IL1RAPL1: variants seen among roughly 807,000 people sequenced by gnomAD.
The protein encoded by IL1RAPL1 is interleukin-1 receptor accessory protein-like 1.
In IL1RAPL1, 3 loss-of-function variants were observed where a neutral mutation model predicts 48.4. The ratio of observed to expected loss-of-function variants is 0.06; its 90% CI spans 0.03 to 0.16. IL1RAPL1 has a LOEUF of 0.16. Ranked by LOEUF, IL1RAPL1 falls within the 10% of genes least tolerant of loss-of-function variation. The pLI is 1.00. For missense variants in IL1RAPL1, 349 were observed against 530.6 expected (o/e 0.66, Z 3.36); for synonymous variants, 185 against 187.7 (o/e 0.99, Z 0.12).
chrX:29,681,987 G>T (rs1257829542), intron 6 of IL1RAPL1, among the ~76,000 whole-genome samples: 8 of 111,074 alleles, frequency 7.2e-5, no homozygotes, highest in African/African-American at 2.6e-4. Flanking sequence ...TGTTTGAGGT[G>T]ATAAATATTC....
At chrX:29,200,719 A>G (rs1930538683) in intron 2 of IL1RAPL1, among the ~76,000 whole-genome samples, 1 of 112,235 alleles carries the variant, frequency 8.9e-6, no homozygotes, top group Admixed American at 9.5e-5. Context: ...TGACGCTCAT[A>G]TTAATACTTA....
intron 5 of IL1RAPL1, among the ~76,000 whole-genome samples, chrX:29,576,611 CT>C (rs1222640546): frequency 9.0e-6 from 1 of 110,732 alleles, no homozygotes; most frequent in Admixed American, 9.6e-5. Context: ...GTTGGCTTTT[CT>C]TTTTTTTCAA....
chrX:29,549,604 G>T (rs1022526), intron 5 of IL1RAPL1, among the ~76,000 whole-genome samples: 6 of 110,221 alleles, frequency 5.4e-5, no homozygotes, highest in Non-Finnish European at 1.1e-4. Flanking sequence ...CCTGTGAATA[G>T]GGAGGGACTA....
Position 29,057,081 on chromosome X carries a change from A to G in IL1RAPL1, c.83-225857A>G, listed in dbSNP as rs758508594. On this transcript the variant is annotated intron_variant, in intron 2 of 10. Coordinates refer to ENST00000378993, the MANE Select transcript of IL1RAPL1 (RefSeq NM_014271.4). ...CAGCGGTGTGCACTTTAGGACAATTAAAGTGCCAAAGGAATCTCATTTTAT... is the reference window on the plus strand; with the variant it reads ...CAGCGGTGTGCACTTTAGGACAATTGAAGTGCCAAAGGAATCTCATTTTAT... Among the ~76,000 whole-genome samples the G allele has an allele frequency of 4.5e-5, 5 of 112,056 alleles. No individual in the cohort carries two copies. The East Asian group carries it at 1.1e-3, about 25-fold the overall frequency.
At chrX:29,631,763 C>G (rs1279323141) in intron 5 of IL1RAPL1, among the ~76,000 whole-genome samples, 1 of 110,863 alleles carries the variant, frequency 9.0e-6, no homozygotes, top group African/African-American at 3.3e-5. Flanking sequence ...CCACTGCACT[C>G]CAGCCTGGGT....
chrX:29,929,896 G>A (rs973886432), intron 8 of IL1RAPL1, among the ~76,000 whole-genome samples: 5 of 111,409 alleles, frequency 4.5e-5, no homozygotes. Flanking sequence ...AAATATGTCT[G>A]TAACATTTAA....
At chrX:29,553,920 A>G (rs1375526117) in intron 5 of IL1RAPL1, among the ~76,000 whole-genome samples, 1 of 107,508 alleles carries the variant, frequency 9.3e-6, no homozygotes, top group African/African-American at 3.5e-5. Context: ...TTATGGATCC[A>G]GTGGCCTTTT....
At chrX:29,843,654 T>G (rs758717877) in intron 6 of IL1RAPL1, among the ~76,000 whole-genome samples, 5 of 111,423 alleles carry the variant, frequency 4.5e-5, no homozygotes, top group African/African-American at 1.6e-4. Context: ...TTCCTTGTCT[T>G]TTTCAGCTTC....
chrX:29,253,642 A>C (rs1201094558), intron 2 of IL1RAPL1, among the ~76,000 whole-genome samples: 1 of 111,243 alleles, frequency 9.0e-6, no homozygotes, highest in Non-Finnish European at 1.9e-5. Context: ...TAGAGGATTA[A>C]CTGGATCCTA....
At chrX:29,255,998 A>G (rs1219718502) in intron 2 of IL1RAPL1, among the ~76,000 whole-genome samples, 2 of 111,672 alleles carry the variant, frequency 1.8e-5, no homozygotes, top group African/African-American at 6.5e-5. Flanking sequence ...TGGGTTGAAT[A>G]GTAGTTTTGT....
intron 6 of IL1RAPL1, among the ~76,000 whole-genome samples, chrX:29,746,808 C>T (rs1928345859): frequency 8.9e-6 from 1 of 111,985 alleles, no homozygotes; most frequent in African/African-American, 3.2e-5. Context: ...GGGTTTTGCC[C>T]TGTTGGCCAG....
intron 6 of IL1RAPL1, among the ~76,000 whole-genome samples, chrX:29,722,324 C>G (rs1174010343): frequency 8.9e-6 from 1 of 111,907 alleles, no homozygotes; most frequent in Non-Finnish European, 1.9e-5. Context: ...AATTAAAATA[C>G]TTTTTTCAGA....
At position 29,950,988 on chromosome X, in the gene IL1RAPL1, T is replaced by G. The variant is rs959478568; in HGVS notation, c.1202-3534T>G. 2.7e-5 allele frequency among the ~76,000 whole-genome samples: 3 copies of G among 111,406 alleles called. No homozygotes were observed. The East Asian group carries it at 8.4e-4, about 31-fold the overall frequency. ...CCACCACACCTGGCCAACCCTAATG[T>G]CTTTTCATGAATCACAGTAAGAAGC... On this transcript the variant is annotated intron_variant, in intron 9 of 10. Transcript: ENST00000378993.
chrX:29,602,389 T>C (rs958813427), intron 5 of IL1RAPL1, among the ~76,000 whole-genome samples: 3 of 112,268 alleles, frequency 2.7e-5, no homozygotes, highest in African/African-American at 9.7e-5. Flanking sequence ...CACTGTGTTT[T>C]TGACTTTGTC....
intron 6 of IL1RAPL1, among the ~76,000 whole-genome samples, chrX:29,832,404 A>G (rs946885547): frequency 8.9e-6 from 1 of 111,921 alleles, no homozygotes; most frequent in East Asian, 2.8e-4. Flanking sequence ...GAAAGAAGAT[A>G]TAGTTGCTGG....
intron 6 of IL1RAPL1, among the ~76,000 whole-genome samples, chrX:29,750,234 T>C (rs1283932270): frequency 1.8e-5 from 2 of 112,146 alleles, no homozygotes; most frequent in African/African-American, 6.5e-5. Flanking sequence ...AGATGGTAAA[T>C]TGATTAGACA....
At chrX:29,263,853 C>T (rs1186066410) in intron 2 of IL1RAPL1, among the ~76,000 whole-genome samples, 8 of 40,933 alleles carry the variant, frequency 2.0e-4, no homozygotes, top group African/African-American at 5.7e-4. Context: ...CTCTTTCTCT[C>T]TCTCTCTCCC....
intron 6 of IL1RAPL1, among the ~76,000 whole-genome samples, chrX:29,678,424 G>C (rs956948636): frequency 1.1e-5 from 1 of 92,017 alleles, no homozygotes; most frequent in Non-Finnish European, 2.1e-5. Flanking sequence ...GCGCGATCTC[G>C]GCTCACCACA....
chrX:29,881,029 T>C (rs1389776153), intron 6 of IL1RAPL1, among the ~76,000 whole-genome samples: 2 of 111,600 alleles, frequency 1.8e-5, no homozygotes, highest in Non-Finnish European at 3.8e-5. Flanking sequence ...CCTTCCTTTT[T>C]TTCTTCCAAA....
Sources: allele counts gnomAD v4.1 joint callset (sites outside exome capture counted in the v4.1 genomes callset), GRCh38; gene constraint gnomAD v4.1.1; transcripts MANE v1.5; gene names NCBI Gene and HGNC (gene_info 2026-07-23, HGNC 2026-07-21).